VAV2: variants seen among roughly 807,000 people sequenced by gnomAD.
VAV2 encodes guanine nucleotide exchange factor VAV2.
In VAV2, 67 loss-of-function variants were observed where a neutral mutation model predicts 132.5. The ratio of observed to expected loss-of-function variants is 0.51; its 90% confidence interval spans 0.42 to 0.62. The LOEUF is 0.62. Ranked by LOEUF, VAV2 falls within the 20% of genes least tolerant of loss-of-function variation. The pLI is 0.00. For synonymous variants in VAV2, 492 were observed against 443.5 expected, an observed-to-expected ratio of 1.11 and a Z score of -1.37; for missense variants, 938 against 1,153.6, an observed-to-expected ratio of 0.81 and a Z score of 2.71.
At chr9:133,789,879 T>C (rs1460364760) in intron 13 of VAV2, among the ~76,000 whole-genome samples, 5 of 152,254 alleles carry the variant, frequency 3.3e-5, no homozygotes, top group Admixed American at 3.3e-4. Context: ...CTTGACATGT[T>C]CCCTGCGTGG....
chr9:133,892,084 G>A (rs1838999966), intron 2 of VAV2, among the ~76,000 whole-genome samples: 1 of 126,198 alleles, frequency 7.9e-6, no homozygotes, highest in Non-Finnish European at 1.7e-5. Flanking sequence ...GTGGGGAGGA[G>A]GGGGAAGGAG....
At chr9:133,878,787 T>C (rs1229288958) in intron 2 of VAV2, among the ~76,000 whole-genome samples, 1 of 152,106 alleles carries the variant, frequency 6.6e-6, no homozygotes, top group Non-Finnish European at 1.5e-5. Flanking sequence ...GGGTTTCCAA[T>C]GGGTGTGCAA....
intron 4 of VAV2, among the ~76,000 whole-genome samples, chr9:133,818,846 G>A (rs1042259079): frequency 2.0e-5 from 3 of 152,128 alleles, no homozygotes; most frequent in Admixed American, 6.5e-5. Context: ...GACCCGAGAT[G>A]CTATGAACGA....
chr9:133,765,766 AAAG>A (rs1215270371), intron 29 of VAV2, among the ~76,000 whole-genome samples: 1 of 152,214 alleles, frequency 6.6e-6, no homozygotes, highest in Non-Finnish European at 1.5e-5. Context: ...ACTTAGGGGT[AAAG>A]AAATATGATT....
In VAV2 at chr9:133,934,690, T is replaced by C. The variant is rs143048424; in HGVS notation, c.321+4413A>G. On this transcript the variant is annotated intron_variant, in intron 2 of 29. Coordinates refer to ENST00000371850, the MANE Select transcript of VAV2 (RefSeq NM_001134398.2). ...TGGCCTTAGACTGAAGATCACACCA[T>C]TGCTTCCCTGGTTCTGAGGCTTTGG... 3.9e-5 allele frequency among the ~76,000 whole-genome samples: 6 copies of C among 152,318 alleles called. No individual in the cohort carries two copies. In the East Asian group the frequency reaches 1.2e-3, roughly 29 times the overall value.
intron 29 of VAV2, among the ~76,000 whole-genome samples, chr9:133,767,067 G>A (rs893029452): frequency 9.9e-5 from 15 of 151,712 alleles, no homozygotes; most frequent in Admixed American, 8.5e-4. Context: ...AAGTAGGCAG[G>A]AAAGAAGAAA....
chr9:133,925,146 G>T (rs1193019891), intron 2 of VAV2, among the ~76,000 whole-genome samples: 3 of 152,214 alleles, frequency 2.0e-5, no homozygotes, highest in Non-Finnish European at 4.4e-5. Flanking sequence ...GTACAACACT[G>T]GGAATCTGTT....
intron 1 of VAV2, among the ~76,000 whole-genome samples, chr9:133,964,050 C>CACATAT (rs1554819053): frequency 1.2e-5 from 1 of 84,912 alleles, no homozygotes; most frequent in Admixed American, 1.3e-4. Flanking sequence ...TATATATATA[C>CACATAT]ATATATATAC....
intron 3 of VAV2, among the ~76,000 whole-genome samples, chr9:133,852,548 T>G (rs987519317): frequency 6.6e-6 from 1 of 151,564 alleles, no homozygotes; most frequent in Admixed American, 6.6e-5. Context: ...GATCCGGGAG[T>G]GGAGCAAAGA....
Position 133,806,705 on chromosome 9 carries a change from C to T in VAV2, c.736-524G>A, listed in dbSNP as rs564502324. On this transcript the variant is annotated intron_variant, in intron 8 of 29. Coordinates refer to ENST00000371850, the MANE Select transcript of VAV2 (RefSeq NM_001134398.2). Reference sequence around the variant, plus strand: ...GAGCTCACCCTTGCAGCTAATGAGACGGCCAGGGAGGCAGGACACAGCCAC... The same window carrying T: ...GAGCTCACCCTTGCAGCTAATGAGATGGCCAGGGAGGCAGGACACAGCCAC... Among the ~76,000 whole-genome samples, 9 of 152,332 alleles carry T rather than the reference C, an allele frequency of 5.9e-5. No individual in the cohort carries two copies. In the East Asian group the frequency reaches 9.6e-4, roughly 16 times the overall value.
At chr9:133,943,081 G>A (rs1483429944) in intron 1 of VAV2, among the ~76,000 whole-genome samples, 4 of 152,242 alleles carry the variant, frequency 2.6e-5, no homozygotes, top group African/African-American at 4.8e-5. Flanking sequence ...GGGCGGCAGC[G>A]CCAAGAATGA....
chr9:133,808,134 G>A (rs979328198), intron 7 of VAV2, among the ~76,000 whole-genome samples: 1 of 152,272 alleles, frequency 6.6e-6, no homozygotes, highest in Non-Finnish European at 1.5e-5. Flanking sequence ...ACAGAGGCCA[G>A]CAGGGCCCTG....
At chr9:133,971,745 G>C (rs1053349520) in intron 1 of VAV2, among the ~76,000 whole-genome samples, 4 of 152,116 alleles carry the variant, frequency 2.6e-5, no homozygotes, top group African/African-American at 7.2e-5. Context: ...GTCCCCAGCT[G>C]TCAACAAAAC....
At chr9:133,830,605 T>A (rs1047803351) in intron 4 of VAV2, among the ~76,000 whole-genome samples, 2 of 152,036 alleles carry the variant, frequency 1.3e-5, no homozygotes, top group Non-Finnish European at 2.9e-5. Flanking sequence ...TGGAACTGAG[T>A]CAACTAAACC....
chr9:133,886,041 G>T (rs952660867), intron 2 of VAV2, among the ~76,000 whole-genome samples: 3 of 152,202 alleles, frequency 2.0e-5, no homozygotes, highest in Non-Finnish European at 2.9e-5. Context: ...ACTGACAGCT[G>T]GGGGGCGGGA....
In VAV2 at chr9:133,794,387, C is replaced by T. The variant is rs916765235; in HGVS notation, c.1101+1281G>A. Among the ~76,000 whole-genome samples, 15 of 152,172 alleles carry T rather than the reference C, an allele frequency of 9.9e-5. No homozygotes were observed. Among genetic ancestry groups the T allele is most frequent in the African/African-American group, 3.1e-4 (13 of 41,444 alleles). On this transcript the variant is annotated intron_variant, in intron 12 of 29. Transcript: ENST00000371850. This position sits in a 1 kb window ranked among gnomAD's most constrained non-coding sequence, Gnocchi z 4.6. ...TCTGAAGGTCTCTGGGACCACCTCC[C>T]GTGCCCACACACGAGTGCCCACAGG...
chr9:133,787,308 C>A (rs772307791), intron 15 of VAV2, 48 bp from the exon 16 acceptor site: 2 of 1,539,420 alleles, frequency 1.3e-6, no homozygotes, highest in Non-Finnish European at 8.8e-7. Flanking sequence ...CAGTGAGAGG[C>A]TAAGCCCGGC....
chr9:133,821,716 G>A (rs1468502299), intron 4 of VAV2, among the ~76,000 whole-genome samples: 3 of 152,218 alleles, frequency 2.0e-5, no homozygotes, highest in Non-Finnish European at 2.9e-5. Context: ...GCTCAGCTGT[G>A]TTGCTTTTGT....
At chr9:133,850,670 T>G (rs1837131674) in intron 3 of VAV2, among the ~76,000 whole-genome samples, 1 of 152,120 alleles carries the variant, frequency 6.6e-6, no homozygotes, top group Non-Finnish European at 1.5e-5. Context: ...GCCTCTGAAA[T>G]GTGAGCCAGC....
Sources: gnomAD v4.1 joint callset for allele counts (sites outside exome capture counted in the v4.1 genomes callset) on GRCh38, gnomAD v4.1.1 for gene constraint, Gnocchi (gnomAD v3.1) non-coding constraint, MANE v1.5 for transcripts, NCBI Gene and HGNC (gene_info 2026-07-23, HGNC 2026-07-21) for gene names.